DDX19A: variants seen among roughly 807,000 people sequenced by gnomAD.
DDX19A encodes the protein DEAD-box helicase 19A.
Under a neutral mutation model 60.6 loss-of-function variants are expected in DDX19A, and 12 were observed. The ratio of observed to expected loss-of-function variants is 0.20; its 90% CI spans 0.13 to 0.32. The LOEUF is 0.32. Ranked by LOEUF, DDX19A falls within the 10% of genes least tolerant of loss-of-function variation. The pLI is 1.00. For synonymous variants in DDX19A, 206 were observed against 218.2 expected (o/e 0.94, Z 0.49); for missense variants, 337 against 600.6 (o/e 0.56, Z 4.59).
intron 7 of DDX19A, 191 bp downstream of exon 7, chr16:70,365,322 T>A: frequency 2.4e-6 from 1 of 423,396 alleles, no homozygotes; most frequent in South Asian, 3.8e-5. Flanking sequence ...AAATAAGATT[T>A]TCGGTTGATT....
At chr16:70,357,667 ACCCACTGTGC>A (rs1216467167) in intron 4 of DDX19A, among the ~76,000 whole-genome samples, 1 of 151,870 alleles carries the variant, frequency 6.6e-6, no homozygotes. Context: ...TACAGGCATG[ACCCACTGTGC>A]CCGGCCTTAC....
chr16:70,347,967 G>A, intron 1 of DDX19A: 1 of 450,326 alleles, frequency 2.2e-6, no homozygotes, highest in Non-Finnish European at 4.5e-6. Context: ...TGGGATTACA[G>A]CCGTGAGTCA....
chr16:70,357,588 G>T (rs1172430498), intron 4 of DDX19A, among the ~76,000 whole-genome samples: 2 of 151,680 alleles, frequency 1.3e-5, no homozygotes, highest in African/African-American at 4.8e-5. Flanking sequence ...GTTTCACTAT[G>T]TTGGGCAGGC....
At position 70,361,613 on chromosome 16, in the gene DDX19A, T is replaced by A. The variant is rs371080113; in HGVS notation, c.386+103T>A. 3.8e-5 allele frequency: 32 copies of A among 843,304 alleles called. No homozygotes were observed. The South Asian group carries it at 4.1e-4, about 11-fold the overall frequency. The allele number at this position is 843,304 out of a possible 1,614,324, so 52.2% of individuals were successfully genotyped here. On this transcript the variant is annotated intron_variant, in intron 5 of 11. Coordinates refer to ENST00000302243, the MANE Select transcript of DDX19A (RefSeq NM_018332.5). ...ACAGAAGGAGCTGTTTGGGGCCACG[T>A]GTTTCCTCAGGAATACAGCTTAGGC... is the stretch of plus-strand genomic sequence containing the variant.
At chr16:70,371,845 G>A in intron 11 of DDX19A, 80 bp from the exon 12 acceptor site, 1 of 1,610,388 alleles carries the variant, frequency 6.2e-7, no homozygotes, top group South Asian at 1.1e-5. Context: ...CGGAGCCTTT[G>A]GGCCTGAATG....
rs1212919161 is a variant in DDX19A at position 70,372,342 on chromosome 16, G to A, written c.*356G>A. On this transcript the variant is annotated 3_prime_UTR_variant, in exon 12 of 12. Transcript: ENST00000302243. ...CAGCCCCTGAAGAAACGATAGATGT[G>A]CAGGTTGTGCGGAAGAGGCTGAGTG... 5.4e-6 allele frequency: 2 copies of A among 372,890 alleles called. No homozygotes were observed. Among genetic ancestry groups the A allele is most frequent in the Admixed American group, 4.2e-5 (1 of 24,058 alleles). 23.1% of individuals were successfully genotyped at this position (372,890 alleles called of 1,614,324 possible).
chr16:70,356,756 C>T (rs1567651590), intron 4 of DDX19A: 5 of 534,046 alleles, frequency 9.4e-6, no homozygotes, highest in Non-Finnish European at 1.4e-5. Context: ...ACCCTTGTGT[C>T]CTTGGCTATC....
intron 2 of DDX19A, among the ~76,000 whole-genome samples, chr16:70,352,337 T>C (rs1964041799): frequency 6.7e-6 from 1 of 148,838 alleles, no homozygotes; most frequent in Non-Finnish European, 1.5e-5. Context: ...CAGGCTGGAG[T>C]GCAGTGGTGC....
At chr16:70,353,112 C>T (rs1483610862) in intron 2 of DDX19A, among the ~76,000 whole-genome samples, 1 of 149,818 alleles carries the variant, frequency 6.7e-6, no homozygotes, top group Non-Finnish European at 1.5e-5. Context: ...TATGCATTTG[C>T]GATTTTTTCT....
intron 4 of DDX19A, among the ~76,000 whole-genome samples, chr16:70,358,189 C>T (rs1172757123): frequency 6.6e-6 from 1 of 152,102 alleles, no homozygotes; most frequent in Admixed American, 6.6e-5. Context: ...AGCCACCACA[C>T]CTGGCTAATT....
chr16:70,364,417 TG>T, intron 5 of DDX19A, 125 bp from the exon 6 acceptor site: 1 of 668,214 alleles, frequency 1.5e-6, no homozygotes, highest in East Asian at 2.7e-5. Context: ...TTGTGCTCAA[TG>T]GAGAAAACCT....
chr16:70,368,138 C>T (rs1964575248), intron 9 of DDX19A, among the ~76,000 whole-genome samples: 1 of 152,214 alleles, frequency 6.6e-6, no homozygotes, highest in Admixed American at 6.5e-5. Context: ...GATCACGCCA[C>T]TGCACTTAGC....
In DDX19A at chr16:70,364,617, G is replaced by A. The variant is rs1065162; in HGVS notation, c.461G>A (p.Arg154Gln). Reference sequence around the variant, plus strand: ...GCCTTTGTCTTAGCCATGCTCAGCCGAGTGGAGCCATCAGACAGATACCCC... The same window carrying A: ...GCCTTTGTCTTAGCCATGCTCAGCCAAGTGGAGCCATCAGACAGATACCCC... ...TAAFVLAMLS[R>Q]VEPSDRYPQC... The change falls in exon 6 of 12, where the codon CGA (arginine) becomes CAA (glutamine). Residue 154 changes from arginine to glutamine, a missense_variant. Transcript: ENST00000302243. 25 of 1,614,040 alleles carry A rather than the reference G, an allele frequency of 1.5e-5. No individual in the cohort carries two copies. Among genetic ancestry groups the A allele is most frequent in the Middle Eastern group, 1.6e-4 (1 of 6,082 alleles).
intron 4 of DDX19A, 94 bp from the exon 5 acceptor site, chr16:70,361,324 G>T (rs1023032600): frequency 3.5e-5 from 33 of 931,948 alleles, no homozygotes; most frequent in Non-Finnish European, 5.7e-5. Flanking sequence ...GAGGTAGGAG[G>T]CATCATTCCT....
intron 6 of DDX19A, 46 bp downstream of exon 6, chr16:70,364,691 A>C (rs1964465048): frequency 1.4e-6 from 2 of 1,392,678 alleles, no homozygotes; most frequent in African/African-American, 2.8e-5. Flanking sequence ...TGCCCTGGGG[A>C]GCGCAGTGCC....
In DDX19A at chr16:70,364,628, T is replaced by C; in HGVS notation, c.472T>C (p.Ser158Pro). ...AGCCATGCTCAGCCGAGTGGAGCCA[T>C]CAGACAGATACCCCCAGGTGAGGGC... ...VLAMLSRVEPSDRYPQCLCLS... is the reference protein window; with the variant it reads ...VLAMLSRVEPPDRYPQCLCLS... The change falls in exon 6 of 12, where the codon TCA (serine) becomes CCA (proline). Residue 158 changes from serine to proline, a missense_variant. Ser to Pro is a moderately conservative substitution (Grantham distance 74). Coordinates refer to ENST00000302243, the MANE Select transcript of DDX19A (RefSeq NM_018332.5). 1 of 1,614,122 alleles carries C rather than the reference T, an allele frequency of 6.2e-7. No individual in the cohort carries two copies. The highest frequency in any genetic ancestry group is 1.1e-5 in the South Asian group (1 of 91,084).
intron 5 of DDX19A, 150 bp from the exon 6 acceptor site, chr16:70,364,393 T>C (rs1964457614): frequency 3.3e-6 from 2 of 608,526 alleles, no homozygotes; most frequent in Non-Finnish European, 5.9e-6. Flanking sequence ...TATAAAAAAA[T>C]GTATGAAAGT....
At chr16:70,362,018 A>G (rs1482518358) in intron 5 of DDX19A, among the ~76,000 whole-genome samples, 1 of 152,012 alleles carries the variant, frequency 6.6e-6, no homozygotes, top group Admixed American at 6.6e-5. Flanking sequence ...AAAATCAAAA[A>G]AAAAAAAATA....
chr16:70,364,832 G>C, intron 6 of DDX19A, 185 bp from the exon 7 acceptor site: 1 of 668,720 alleles, frequency 1.5e-6, no homozygotes, highest in Non-Finnish European at 2.6e-6. Flanking sequence ...ACCATGGCTT[G>C]CAAAGGCCTC....
Sources: gnomAD v4.1 joint callset for allele counts (sites outside exome capture counted in the v4.1 genomes callset) on GRCh38, gnomAD v4.1.1 for gene constraint, MANE v1.5 for transcripts, NCBI Gene and HGNC (gene_info 2026-07-23, HGNC 2026-07-21) for gene names.